CTTNBP2: variants seen among roughly 807,000 people sequenced by gnomAD.
The protein encoded by CTTNBP2 is cortactin-binding protein 2.
In CTTNBP2, 108 loss-of-function variants were observed where a neutral mutation model predicts 156.9. That is an observed-to-expected ratio of 0.69 (90% CI 0.59 to 0.81). The LOEUF (loss-of-function observed/expected upper bound fraction) is 0.81, where lower values mean the gene tolerates loss of function less well. CTTNBP2 is among the 30% of genes least tolerant of loss of function. CTTNBP2 has a pLI of 0.00. For synonymous variants in CTTNBP2, 767 were observed against 751.8 expected (o/e 1.02, Z -0.33); for missense variants, 1,924 against 2,035.4 (o/e 0.95, Z 1.05).
chr7:117,797,298 G>A (rs1455265212), intron 3 of CTTNBP2, among the ~76,000 whole-genome samples: 1 of 152,170 alleles, frequency 6.6e-6, no homozygotes, highest in Non-Finnish European at 1.5e-5. Context: ...CAACTGCAAG[G>A]AGACAGAATA....
At chr7:117,868,952 C>T (rs1804396652) in intron 1 of CTTNBP2, among the ~76,000 whole-genome samples, 1 of 152,160 alleles carries the variant, frequency 6.6e-6, no homozygotes, top group East Asian at 1.9e-4. Context: ...ATTCCCCTTT[C>T]CTGTTTCCAA....
chr7:117,792,488 A>G lies in CTTNBP2; in HGVS notation c.708T>C (p.Thr236=), dbSNP rs1380632230. 7 of 1,614,124 alleles carry G rather than the reference A, an allele frequency of 4.3e-6. No homozygotes were observed. In the Admixed American group the frequency reaches 1.2e-4, roughly 27 times the overall value. ...QMEKQLSEFD[T]EREQLRAKLN... The stretch of plus-strand genomic sequence containing the variant: ...GCTTGGCACGAAGCTGTTCCCGCTC[A>G]GTGTCAAACTCAGAGAGTTGTTTTT... The change falls in exon 4 of 23, where the codon ACT becomes ACC. Residue 236 remains threonine, a synonymous_variant. Coordinates refer to ENST00000160373, the MANE Select transcript of CTTNBP2 (RefSeq NM_033427.3). The surrounding 1 kb of genome is among the most constrained non-coding windows in gnomAD (Gnocchi z 4.2).
intron 9 of CTTNBP2, among the ~76,000 whole-genome samples, chr7:117,762,741 C>T (rs1797277507): frequency 1.3e-5 from 2 of 152,202 alleles, no homozygotes; most frequent in African/African-American, 4.8e-5. Context: ...TAAGTTCTTA[C>T]AATGGCCTAC....
chr7:117,868,812 G>C (rs1485863361), intron 1 of CTTNBP2, among the ~76,000 whole-genome samples: 1 of 152,236 alleles, frequency 6.6e-6, no homozygotes, highest in Non-Finnish European at 1.5e-5. Flanking sequence ...AGTAAATGAA[G>C]TTGGGGGATA....
rs543041784 is a variant in CTTNBP2, at chr7:117,734,932, C to T, written c.3857G>A (p.Arg1286Gln). The T allele has an allele frequency of 1.8e-5, 29 of 1,595,018 alleles. 1 individual carries two copies. Among genetic ancestry groups the T allele is most frequent in the East Asian group, 9.0e-5 (4 of 44,432 alleles). Residue 1286 changes from arginine to glutamine, a missense_variant, in exon 16 of 23, where the codon CGA (arginine) becomes CAA (glutamine). By Grantham distance (43) the Arg-to-Gln change is conservative. Transcript: ENST00000160373. ...PMQGLLQRFL[R>Q]RKVVNKFKGQ... The stretch of plus-strand genomic sequence containing the variant: ...TGTTACCTTATTCACAACTTTCCTT[C>T]GTAAGAACCTCTGCAGCAGTCCTTG...
At chr7:117,731,820 T>G (rs1795417052) in intron 16 of CTTNBP2, among the ~76,000 whole-genome samples, 1 of 152,206 alleles carries the variant, frequency 6.6e-6, no homozygotes, top group African/African-American at 2.4e-5. Flanking sequence ...TCAGATGGAC[T>G]GCATTATATA....
intron 1 of CTTNBP2, 49 bp downstream of exon 1, chr7:117,873,286 C>G: frequency 7.6e-7 from 1 of 1,308,080 alleles, no homozygotes; most frequent in Non-Finnish European, 9.7e-7. Context: ...GGCGCCGCCC[C>G]CGGCCCGCGT....
In CTTNBP2 at chr7:117,873,320, C is replaced by T. The variant is rs1392282212; in HGVS notation, c.81+15G>A. On this transcript the variant is annotated intron_variant, in intron 1 of 22. Transcript: ENST00000160373. ...GTCTACACTAGCCCCGCGCCCGCCC[C>T]GGGAACTCGGTTACCGCCGCCTCCG... 7.0e-7 allele frequency: 1 copy of T among 1,436,390 alleles called. No individual in the cohort carries two copies. The highest frequency in any genetic ancestry group is 9.1e-7 in the Non-Finnish European group (1 of 1,098,590). The allele number at this position is 1,436,390 out of a possible 1,614,324, so 89.0% of individuals were successfully genotyped here. A position where few individuals can be genotyped will look rare whatever the true frequency, so the allele number is the denominator to read the frequency against.
At chr7:117,794,869 A>ATCTTTTTTTTT (rs1563015492) in intron 3 of CTTNBP2, among the ~76,000 whole-genome samples, 1 of 124,352 alleles carries the variant, frequency 8.0e-6, no homozygotes, top group African/African-American at 3.1e-5. Context: ...CTGTTTTTAT[A>ATCTTTTTTTTT]TGTATATCTT....
intron 2 of CTTNBP2, among the ~76,000 whole-genome samples, chr7:117,836,315 A>G (rs1464819253): frequency 6.6e-6 from 1 of 152,228 alleles, no homozygotes; most frequent in Non-Finnish European, 1.5e-5. Flanking sequence ...CTGTAATCCC[A>G]GCACTTTGGG....
At chr7:117,811,090 A>C in intron 2 of CTTNBP2, 101 bp from the exon 3 acceptor site, 4 of 854,824 alleles carry the variant, frequency 4.7e-6, no homozygotes, top group African/African-American at 1.7e-5. Context: ...TGGTATTCTC[A>C]ACTGCTGTGA....
rs566875717 is a variant in CTTNBP2, at chr7:117,791,997, G to A, written c.1199C>T (p.Pro400Leu). The change falls in exon 4 of 23, where the codon CCA becomes CTA. Residue 400 changes from proline (P) to leucine (L), a missense_variant. Transcript: ENST00000160373. ...GGGAGGGGCAGCGTTACTGGGAAGT[G>A]GGGGTGTGCTACTGGTTGGATCTGG... ...STPDPTSSTP[P>L]LPSNAAPPTA... 7.2e-5 allele frequency: 117 copies of A among 1,614,126 alleles called. No homozygotes were observed. The South Asian group carries it at 1.2e-3, about 17-fold the overall frequency.
chr7:117,843,837 G>A (rs760507060), intron 2 of CTTNBP2, among the ~76,000 whole-genome samples: 1 of 152,158 alleles, frequency 6.6e-6, no homozygotes, highest in Non-Finnish European at 1.5e-5. Context: ...GCAGAATAAT[G>A]GCCCCCAAAG....
intron 3 of CTTNBP2, among the ~76,000 whole-genome samples, chr7:117,804,318 A>T (rs1462501223): frequency 1.3e-5 from 2 of 152,150 alleles, no homozygotes; most frequent in African/African-American, 4.8e-5. Flanking sequence ...TCAAACCACT[A>T]GTGTATATAA....
At chr7:117,866,803 C>T (rs1346726427) in intron 1 of CTTNBP2, among the ~76,000 whole-genome samples, 2 of 152,096 alleles carry the variant, frequency 1.3e-5, no homozygotes, top group Non-Finnish European at 2.9e-5. Context: ...AGCCTAAAAG[C>T]GTTTGTGAGG....
intron 10 of CTTNBP2, among the ~76,000 whole-genome samples, chr7:117,760,004 G>A (rs1797105966): frequency 6.6e-6 from 1 of 152,188 alleles, no homozygotes; most frequent in Non-Finnish European, 1.5e-5. Flanking sequence ...CTTTATTAAA[G>A]TGCTTCTTTC....
rs1184161996 is a variant in CTTNBP2 at position 117,772,067 on chromosome 7, G to A, written c.2779-4891C>T. On this transcript the variant is annotated intron_variant, in intron 8 of 22. Transcript: ENST00000160373. ...AGCAGACCAAGGCCAGATCAGGAAG[G>A]GACTTGACCGTCATGATAGGCATCC... 6.6e-5 allele frequency among the ~76,000 whole-genome samples: 10 copies of A among 152,312 alleles called. No homozygotes were observed. The South Asian group carries it at 2.1e-3, about 32-fold the overall frequency.
chr7:117,857,030 C>T lies in CTTNBP2; in HGVS notation c.189+4179G>A, dbSNP rs527695438. Among the ~76,000 whole-genome samples the T allele has an allele frequency of 1.2e-4, 19 of 152,292 alleles. No individual in the cohort carries two copies. The South Asian group carries it at 2.3e-3, about 18-fold the overall frequency. ...TTTGAATAGCCAATTAAATTTAATTCAAAAGCTTCTGTGCCTATCTTGGTG... is the reference window on the plus strand; with the variant it reads ...TTTGAATAGCCAATTAAATTTAATTTAAAAGCTTCTGTGCCTATCTTGGTG... On this transcript the variant is annotated intron_variant, in intron 2 of 22. Coordinates refer to ENST00000160373, the MANE Select transcript of CTTNBP2 (RefSeq NM_033427.3).
chr7:117,745,620 A>G (rs1796282656), intron 14 of CTTNBP2, among the ~76,000 whole-genome samples: 1 of 151,616 alleles, frequency 6.6e-6, no homozygotes. Flanking sequence ...ATTAATGATT[A>G]ATAACAAAAA....
Sources: gnomAD v4.1 joint callset for allele counts (sites outside exome capture counted in the v4.1 genomes callset) on GRCh38, gnomAD v4.1.1 for gene constraint, Gnocchi (gnomAD v3.1) non-coding constraint, MANE v1.5 for transcripts, NCBI Gene and HGNC (gene_info 2026-07-23, HGNC 2026-07-21) for gene names.